The following GRIA4 variants were observed in gnomAD, a reference collection of about 807,000 sequenced individuals.
GRIA4 encodes glutamate ionotropic receptor AMPA type subunit 4.
A neutral mutation model predicts 104.0 loss-of-function variants in GRIA4; 34 were observed. The ratio of observed to expected loss-of-function variants is 0.33; its 90% CI spans 0.25 to 0.44. The LOEUF (loss-of-function observed/expected upper bound fraction) is 0.44, where lower values mean the gene tolerates loss of function less well. Among genes scored for constraint, GRIA4 ranks in the 20% least tolerant of loss-of-function variants. The probability of loss-of-function intolerance (pLI) is 1.00; values close to 1 mark genes in which losing one functional copy is unlikely to be tolerated. For missense variants in GRIA4, 750 were observed against 1,096.5 expected, an observed-to-expected ratio of 0.68 and a Z score of 4.46; for synonymous variants, 386 against 381.9, an observed-to-expected ratio of 1.01 and a Z score of -0.13.
At chr11:105,811,817 G>A (rs1289140958) in intron 4 of GRIA4, among the ~76,000 whole-genome samples, 1 of 152,202 alleles carries the variant, frequency 6.6e-6, no homozygotes, top group East Asian at 1.9e-4. Context: ...ACTAGGCCAT[G>A]ACGAAGCAGG....
chr11:105,808,381 G>A (rs573524201), intron 4 of GRIA4, among the ~76,000 whole-genome samples: 2 of 152,156 alleles, frequency 1.3e-5, no homozygotes, highest in Admixed American at 1.3e-4. Context: ...AAGGTTGGAA[G>A]GCAAAGAGAG....
intron 3 of GRIA4, among the ~76,000 whole-genome samples, chr11:105,646,687 G>A (rs578243756): frequency 6.6e-6 from 1 of 152,304 alleles, no homozygotes; most frequent in South Asian, 2.1e-4. Flanking sequence ...TATAAGCAAT[G>A]AGGAAAGAAT....
intron 4 of GRIA4, among the ~76,000 whole-genome samples, chr11:105,769,122 T>A (rs1477967931): frequency 6.6e-6 from 1 of 152,042 alleles, no homozygotes; most frequent in Non-Finnish European, 1.5e-5. Context: ...GAAGCAAGGG[T>A]CAAGGACTAG....
At chr11:105,688,186 CTATT>C (rs772341983) in intron 3 of GRIA4, among the ~76,000 whole-genome samples, 217 of 151,252 alleles carry the variant, frequency 1.4e-3, no homozygotes, top group East Asian at 9.4e-3. Context: ...ATCTATCTAT[CTATT>C]TATCTATATG....
rs1293279368 is a variant in GRIA4, at chr11:105,980,193, A to C, written c.*454A>C. 1.3e-5 allele frequency: 2 copies of C among 153,456 alleles called. No individual in the cohort carries two copies. Among genetic ancestry groups the C allele is most frequent in the Admixed American group, 1.3e-4 (2 of 15,330 alleles). 9.5% of individuals were successfully genotyped at this position (153,456 alleles called of 1,614,324 possible). A position where few individuals can be genotyped will look rare whatever the true frequency, so the allele number is the denominator to read the frequency against. ...ACATCCATATAGTCCATGGAAGAAA[A>C]TCCAGCTGAGAAAACAAATCACTAA... On this transcript the variant is annotated 3_prime_UTR_variant, in exon 17 of 17. Coordinates refer to ENST00000282499, the MANE Select transcript of GRIA4 (RefSeq NM_000829.4).
chr11:105,711,424 A>T (rs889821868), intron 3 of GRIA4, among the ~76,000 whole-genome samples: 1 of 152,082 alleles, frequency 6.6e-6, no homozygotes, highest in Non-Finnish European at 1.5e-5. Context: ...TTAAAGTATT[A>T]TAATAATAAA....
At chr11:105,864,504 G>A (rs1289466231) in intron 5 of GRIA4, among the ~76,000 whole-genome samples, 1 of 152,164 alleles carries the variant, frequency 6.6e-6, no homozygotes, top group African/African-American at 2.4e-5. Context: ...TGAAAAGGTG[G>A]ACTTTTCTCA....
intron 3 of GRIA4, among the ~76,000 whole-genome samples, chr11:105,636,059 A>T (rs1176963724): frequency 6.6e-6 from 1 of 152,166 alleles, no homozygotes. Flanking sequence ...ACTTGCTTTT[A>T]GTTATCTAGT....
chr11:105,720,475 A>T (rs576678463), intron 3 of GRIA4, among the ~76,000 whole-genome samples: 1 of 152,204 alleles, frequency 6.6e-6, no homozygotes, highest in Non-Finnish European at 1.5e-5. Context: ...GTTTCTCAAA[A>T]GATGTGAAAA....
At chr11:105,878,843 C>T (rs1426936116) in intron 5 of GRIA4, among the ~76,000 whole-genome samples, 2 of 152,180 alleles carry the variant, frequency 1.3e-5, no homozygotes, top group African/African-American at 2.4e-5. Context: ...GGGGTGGGAT[C>T]CACTGAGCTA....
chr11:105,738,941 A>C (rs1398484199), intron 3 of GRIA4, among the ~76,000 whole-genome samples: 1 of 114,262 alleles, frequency 8.8e-6, no homozygotes, highest in African/African-American at 2.7e-5. Context: ...AAAAAAAAAA[A>C]AAACAAAAAA....
chr11:105,766,567 T>A (rs548451383), intron 4 of GRIA4, among the ~76,000 whole-genome samples: 1 of 152,204 alleles, frequency 6.6e-6, no homozygotes, highest in African/African-American at 2.4e-5. Flanking sequence ...AAATCTTGAC[T>A]GGGCCTGTGT....
At chr11:105,708,179 T>G (rs1278338186) in intron 3 of GRIA4, among the ~76,000 whole-genome samples, 10 of 152,116 alleles carry the variant, frequency 6.6e-5, no homozygotes, top group Admixed American at 5.3e-4. Flanking sequence ...TTTTGCATTT[T>G]AGAAAAAATT....
intron 4 of GRIA4, among the ~76,000 whole-genome samples, chr11:105,839,553 T>G (rs895454448): frequency 6.6e-6 from 1 of 151,982 alleles, no homozygotes; most frequent in Non-Finnish European, 1.5e-5. Context: ...TTCTGTGTGT[T>G]TTATCAAAAT....
chr11:105,812,374 C>T (rs1294434199), intron 4 of GRIA4, among the ~76,000 whole-genome samples: 1 of 152,146 alleles, frequency 6.6e-6, no homozygotes, highest in Non-Finnish European at 1.5e-5. Flanking sequence ...AAATATTATT[C>T]CACTACCTGG....
At chr11:105,701,251 C>A (rs151132961) in intron 3 of GRIA4, among the ~76,000 whole-genome samples, 1 of 152,302 alleles carries the variant, frequency 6.6e-6, no homozygotes, top group East Asian at 1.9e-4. Context: ...CGCTAGCTTA[C>A]AAATATATCT....
intron 12 of GRIA4, among the ~76,000 whole-genome samples, chr11:105,925,992 C>T (rs1305028681): frequency 6.6e-6 from 1 of 152,032 alleles, no homozygotes. Flanking sequence ...CTCACCCACA[C>T]ATCCTTGATA....
chr11:105,793,900 G>A (rs1422062990), intron 4 of GRIA4, among the ~76,000 whole-genome samples: 2 of 152,130 alleles, frequency 1.3e-5, no homozygotes, highest in Non-Finnish European at 2.9e-5. Flanking sequence ...GATGTTTGGA[G>A]GATTCCTAAC....
At chr11:105,646,181 T>A (rs947860510) in intron 3 of GRIA4, among the ~76,000 whole-genome samples, 4 of 152,218 alleles carry the variant, frequency 2.6e-5, no homozygotes, top group Admixed American at 6.5e-5. Flanking sequence ...AAGTCACCTA[T>A]CACAGTCTCT....
Sources: gnomAD v4.1 joint callset for allele counts (sites outside exome capture counted in the v4.1 genomes callset) on GRCh38, gnomAD v4.1.1 for gene constraint, MANE v1.5 for transcripts, NCBI Gene and HGNC (gene_info 2026-07-23, HGNC 2026-07-21) for gene names.